Variants in ELF1 observed in about 807,000 individuals in gnomAD.
ELF1 encodes the protein ETS-related transcription factor Elf-1.
A neutral mutation model predicts 59.9 loss-of-function variants in ELF1; 24 were observed. The observed-to-expected ratio is 0.40, with a 90% CI of 0.29 to 0.56. The LOEUF (loss-of-function observed/expected upper bound fraction) is 0.56, where lower values mean the gene tolerates loss of function less well. Among genes scored for constraint, ELF1 ranks in the 20% least tolerant of loss-of-function variants. The probability of loss-of-function intolerance (pLI) is 0.44; values close to 1 mark genes in which losing one functional copy is unlikely to be tolerated. For synonymous variants in ELF1, 248 were observed against 266.2 expected (o/e 0.93, Z 0.67); for missense variants, 627 against 742.2 (o/e 0.84, Z 1.80).
At chr13:40,956,165 A>T (rs2138186490) in intron 3 of ELF1, among the ~76,000 whole-genome samples, 1 of 151,044 alleles carries the variant, frequency 6.6e-6, no homozygotes, top group Non-Finnish European at 1.5e-5. Flanking sequence ...GAGAAATCGG[A>T]TGGTTGCCGT....
chr13:41,051,537 G>A (rs2138434635), intron 1 of ELF1, among the ~76,000 whole-genome samples: 2 of 152,042 alleles, frequency 1.3e-5, no homozygotes, highest in Middle Eastern at 6.8e-3. Context: ...GATTAAAACT[G>A]AAAATGAAAA....
intron 8 of ELF1, 144 bp from the exon 9 acceptor site, chr13:40,934,172 A>G (rs1869607351): frequency 1.5e-5 from 16 of 1,089,528 alleles, no homozygotes; most frequent in Non-Finnish European, 1.3e-5. Flanking sequence ...CATGACCAAT[A>G]TCATGCCAGA....
chr13:40,935,422 T>C (rs1869698035), intron 8 of ELF1, among the ~76,000 whole-genome samples: 1 of 152,106 alleles, frequency 6.6e-6, no homozygotes, highest in African/African-American at 2.4e-5. Flanking sequence ...GTTTCTCACA[T>C]ATGAGAAATA....
At chr13:40,963,843 T>A (rs1248343366) in intron 2 of ELF1, among the ~76,000 whole-genome samples, 1 of 151,852 alleles carries the variant, frequency 6.6e-6, no homozygotes, top group Non-Finnish European at 1.5e-5. Context: ...GAGGCAGAGG[T>A]TGCAGTGAGC....
At chr13:40,970,673 T>C (rs1872483317) in intron 2 of ELF1, among the ~76,000 whole-genome samples, 2 of 152,230 alleles carry the variant, frequency 1.3e-5, no homozygotes, top group Non-Finnish European at 2.9e-5. Context: ...TTGTCTCTAT[T>C]AGCCTCCTTA....
At chr13:40,971,951 G>T (rs113802378) in intron 2 of ELF1, among the ~76,000 whole-genome samples, 139 of 48,870 alleles carry the variant, frequency 2.8e-3, no homozygotes, top group Middle Eastern at 0.01. Context: ...GTTTTTTTTT[G>T]GGGGGGGGTA....
Position 40,982,055 on chromosome 13 carries a change from A to AAT in ELF1, c.-3_-2dup, listed in dbSNP as rs1220502866. 14 of 1,611,738 alleles carry AAT rather than the reference A, an allele frequency of 8.7e-6. No individual in the cohort carries two copies. Among genetic ancestry groups the AAT allele is most frequent in the Admixed American group, 8.4e-5 (5 of 59,786 alleles). On this transcript the variant is annotated 5_prime_UTR_variant, in exon 2 of 9. Transcript: ENST00000239882. The stretch of plus-strand genomic sequence containing the variant: ...CGTTCTGTTGGACAACAGCAGCCAT[A>AAT]ATAAAGCATTCCCCTTAGATCCACA...
intron 1 of ELF1, among the ~76,000 whole-genome samples, chr13:40,997,202 A>G (rs1874169176): frequency 6.6e-6 from 1 of 152,192 alleles, no homozygotes; most frequent in East Asian, 1.9e-4. Flanking sequence ...AGTGAAAAAA[A>G]ACCCTGAATG....
intron 8 of ELF1, among the ~76,000 whole-genome samples, chr13:40,938,710 T>C (rs1361323462): frequency 6.6e-6 from 1 of 151,986 alleles, no homozygotes; most frequent in African/African-American, 2.4e-5. Context: ...TGTTGTTATA[T>C]TAATAATTTA....
rs142833099 is a variant in ELF1, at chr13:41,054,040, T to A, written c.-229+6798A>T. Among the ~76,000 whole-genome samples, 6 of 152,190 alleles carry A rather than the reference T, an allele frequency of 3.9e-5. No homozygotes were observed. In the East Asian group the frequency reaches 1.2e-3, roughly 29 times the overall value. On this transcript the variant is annotated intron_variant, in intron 1 of 1. Transcript: ENST00000405737. ...TATAACTCTCAAGGATAATACCATA[T>A]GTCTTATAAAATGGGATGAAAAAAA...
chr13:40,973,067 C>A (rs1286800835), intron 2 of ELF1, among the ~76,000 whole-genome samples: 3 of 151,984 alleles, frequency 2.0e-5, no homozygotes, highest in Non-Finnish European at 4.4e-5. Flanking sequence ...GCATATGCCA[C>A]AAAATAAAGT....
chr13:40,957,119 G>A (rs1164969554), intron 3 of ELF1, among the ~76,000 whole-genome samples: 17 of 105,778 alleles, frequency 1.6e-4, no homozygotes, highest in Middle Eastern at 4.2e-3. Context: ...ACTGTATTTC[G>A]TTTTGAGTCT....
At chr13:41,034,533 A>C (rs534382066) in intron 1 of ELF1, among the ~76,000 whole-genome samples, 3 of 152,320 alleles carry the variant, frequency 2.0e-5, no homozygotes, top group African/African-American at 7.2e-5. Context: ...TAATTCCATA[A>C]AGTAAAAATA....
At chr13:41,008,970 A>T (rs56195263) in intron 1 of ELF1, among the ~76,000 whole-genome samples, 36 of 148,712 alleles carry the variant, frequency 2.4e-4, no homozygotes, top group East Asian at 1.8e-3. Flanking sequence ...TTTTTTTTTA[A>T]AAAAAACAGG....
chr13:41,016,997 C>G lies in ELF1; in HGVS notation c.-229+2231G>C, dbSNP rs185531769. Among the ~76,000 whole-genome samples the G allele has an allele frequency of 1.8e-3, 121 of 65,902 alleles. 1 individual carries two copies. Among genetic ancestry groups the G allele is most frequent in the Non-Finnish European group, 2.5e-3 (87 of 34,622 alleles). 43.2% of individuals were successfully genotyped at this position (65,902 alleles called of 152,430 possible). On this transcript the variant is annotated intron_variant, in intron 1 of 8. Coordinates refer to ENST00000239882, the MANE Select transcript of ELF1 (RefSeq NM_172373.4). ...ATATATATATGAGCTAAAACTAAAG[C>G]AGAAATAAAACTGTCTTTGTATCTA...
chr13:40,948,408 G>GCTA (rs1186058380), intron 5 of ELF1, among the ~76,000 whole-genome samples: 2 of 152,172 alleles, frequency 1.3e-5, no homozygotes, highest in African/African-American at 4.8e-5. Flanking sequence ...CCCATCTTGC[G>GCTA]TAGCCCAAGA....
chr13:40,976,226 GAA>G (rs1872896318), intron 2 of ELF1, among the ~76,000 whole-genome samples: 1 of 152,210 alleles, frequency 6.6e-6, no homozygotes, highest in Admixed American at 6.5e-5. Flanking sequence ...GGCACACTGT[GAA>G]AAGTTTCTAA....
intron 1 of ELF1, among the ~76,000 whole-genome samples, chr13:41,051,912 ACTTTT>A (rs1400381719): frequency 1.3e-5 from 2 of 149,124 alleles, no homozygotes; most frequent in Non-Finnish European, 3.0e-5. Flanking sequence ...TATTAGAATC[ACTTTT>A]CTTTCTTTCT....
At chr13:40,987,328 C>T (rs1316713948) in intron 1 of ELF1, among the ~76,000 whole-genome samples, 1 of 149,776 alleles carries the variant, frequency 6.7e-6, no homozygotes, top group Non-Finnish European at 1.5e-5. Context: ...ACGCCTGTAT[C>T]CCAGCACTTT....
Sources: allele counts gnomAD v4.1 joint callset (sites outside exome capture counted in the v4.1 genomes callset), GRCh38; gene constraint gnomAD v4.1.1; transcripts MANE v1.5; gene names NCBI Gene and HGNC (gene_info 2026-07-23, HGNC 2026-07-21).